The following CTTNBP2NL variants were observed in gnomAD, a reference collection of about 807,000 sequenced individuals.
CTTNBP2NL encodes the protein CTTNBP2 N-terminal-like protein.
In CTTNBP2NL, 16 loss-of-function variants were observed where a neutral mutation model predicts 32.5. The observed-to-expected ratio is 0.49, with a 90% CI of 0.33 to 0.75. CTTNBP2NL has a LOEUF of 0.75. Among genes scored for constraint, CTTNBP2NL ranks in the 30% least tolerant of loss-of-function variants. The pLI, the probability that CTTNBP2NL is intolerant of heterozygous loss-of-function variation, is 0.02. For synonymous variants in CTTNBP2NL, 298 were observed against 289.4 expected (o/e 1.03, Z -0.30); for missense variants, 645 against 756.0 (o/e 0.85, Z 1.72).
At chr1:112,411,642 C>G (rs1041546775) in intron 1 of CTTNBP2NL, among the ~76,000 whole-genome samples, 1 of 151,002 alleles carries the variant, frequency 6.6e-6, no homozygotes, top group African/African-American at 2.4e-5. Flanking sequence ...GAGAATTTTC[C>G]TTATATGAAT....
intron 1 of CTTNBP2NL, among the ~76,000 whole-genome samples, chr1:112,399,429 GTAACAC>G (rs1648430110): frequency 6.6e-6 from 1 of 151,352 alleles, no homozygotes; most frequent in South Asian, 2.1e-4. Context: ...TGTTTTTAAA[GTAACAC>G]TAAAAATAGG....
chr1:112,400,966 CAAAAAAAAA>C (rs56784970), intron 1 of CTTNBP2NL, among the ~76,000 whole-genome samples: 1,504 of 102,990 alleles, frequency 0.015, 49 homozygotes, highest in African/African-American at 0.055. Context: ...ACTCTGTCAC[CAAAAAAAAA>C]AAAAAAAAAA....
chr1:112,440,892 G>A (rs774333768), intron 3 of CTTNBP2NL, among the ~76,000 whole-genome samples: 8 of 147,944 alleles, frequency 5.4e-5, no homozygotes, highest in Middle Eastern at 6.8e-3. Flanking sequence ...ATAAACGCTC[G>A]AGTGTTAACG....
intron 1 of CTTNBP2NL, among the ~76,000 whole-genome samples, chr1:112,402,499 T>C (rs1274515054): frequency 6.6e-6 from 1 of 152,074 alleles, no homozygotes; most frequent in Non-Finnish European, 1.5e-5. Context: ...AGATAAGAAT[T>C]GTAAGTTATA....
At chr1:112,422,551 T>C (rs1020654160) in intron 3 of CTTNBP2NL, among the ~76,000 whole-genome samples, 1 of 152,208 alleles carries the variant, frequency 6.6e-6, no homozygotes, top group African/African-American at 2.4e-5. Context: ...TATTTAATTT[T>C]TAAGAATCTG....
In CTTNBP2NL at chr1:112,457,143, A is replaced by C; in HGVS notation, c.1651A>C (p.Thr551Pro). 1 of 1,614,086 alleles carries C rather than the reference A, an allele frequency of 6.2e-7. No homozygotes were observed. The highest frequency in any genetic ancestry group is 8.5e-7 in the Non-Finnish European group (1 of 1,180,012). ...NPRGDTSHSP[T>P]PGKVSSPLSP... Reference sequence around the variant, plus strand: ...AAGAGGTGACACAAGCCATTCACCTACTCCAGGGAAAGTGTCCAGTCCCCT... The same window carrying C: ...AAGAGGTGACACAAGCCATTCACCTCCTCCAGGGAAAGTGTCCAGTCCCCT... The change falls in exon 6 of 6, where the codon ACT (threonine) becomes CCT (proline). Residue 551 changes from threonine (T) to proline (P), a missense_variant. Thr to Pro is a conservative substitution (Grantham distance 38). Coordinates refer to ENST00000271277, the MANE Select transcript of CTTNBP2NL (RefSeq NM_018704.3).
In CTTNBP2NL at chr1:112,416,276, G is replaced by GA. The variant is rs370406156; in HGVS notation, c.99+23dup. On this transcript the variant is annotated intron_variant, in intron 3 of 5. Coordinates refer to ENST00000271277, the MANE Select transcript of CTTNBP2NL (RefSeq NM_018704.3). ...TAGAAGCCTTAAAGGTATGTTAAAA[G>GA]AAAAAAAAAAAGAGGTCATCATACA... The GA allele has an allele frequency of 0.054, 49,281 of 917,050 alleles. No individual in the cohort carries two copies. Among genetic ancestry groups the GA allele is most frequent in the South Asian group, 0.073 (3,387 of 46,498 alleles). 56.8% of individuals were successfully genotyped at this position (917,050 alleles called of 1,614,324 possible). A position where few individuals can be genotyped will look rare whatever the true frequency, so the allele number is the denominator to read the frequency against.
chr1:112,434,217 A>G (rs762569591), intron 3 of CTTNBP2NL, among the ~76,000 whole-genome samples: 7 of 152,084 alleles, frequency 4.6e-5, no homozygotes, highest in African/African-American at 7.2e-5. Context: ...CAGATTTGTT[A>G]TTCTCTTATA....
intron 3 of CTTNBP2NL, among the ~76,000 whole-genome samples, chr1:112,423,273 T>C (rs1001445925): frequency 1.3e-5 from 2 of 152,150 alleles, no homozygotes; most frequent in Non-Finnish European, 2.9e-5. Context: ...TTATCTTAAC[T>C]CTATTTTTTT....
intron 4 of CTTNBP2NL, among the ~76,000 whole-genome samples, chr1:112,450,402 A>G (rs2101031286): frequency 6.6e-6 from 1 of 152,340 alleles, no homozygotes; most frequent in Non-Finnish European, 1.5e-5. Context: ...AAAATGTTTA[A>G]CCTCTGGTTA....
intron 3 of CTTNBP2NL, among the ~76,000 whole-genome samples, chr1:112,425,132 AT>A (rs199927375): frequency 0.017 from 2,576 of 151,780 alleles, 88 homozygotes; most frequent in African/African-American, 0.06. Flanking sequence ...CCCAGCCAGT[AT>A]TGTTTGTTAA....
At chr1:112,393,893 T>C (rs977893247), upstream of CTTNBP2NL, among the ~76,000 whole-genome samples, 2 of 151,924 alleles carry the variant, frequency 1.3e-5, no homozygotes, top group African/African-American at 4.8e-5. Flanking sequence ...GGTTAACAGC[T>C]ACAAAGGGAA....
chr1:112,397,691 C>T (rs541107593), intron 1 of CTTNBP2NL, among the ~76,000 whole-genome samples: 5 of 152,124 alleles, frequency 3.3e-5, no homozygotes, highest in Non-Finnish European at 7.4e-5. Context: ...CAGTAATCAT[C>T]TATTGCTAGC....
intron 3 of CTTNBP2NL, among the ~76,000 whole-genome samples, chr1:112,416,924 A>G (rs1244787726): frequency 3.3e-5 from 5 of 152,110 alleles, no homozygotes; most frequent in Non-Finnish European, 5.9e-5. Flanking sequence ...TATCTGGGAG[A>G]TCAAGGATCC....
rs899056950 is a variant in CTTNBP2NL at position 112,459,937 on chromosome 1, C to A, written c.*2525C>A. 6.6e-6 allele frequency: 1 copy of A among 152,100 alleles called. No individual in the cohort carries two copies. The highest frequency in any genetic ancestry group is 2.1e-4 in the South Asian group (1 of 4,820). The allele number at this position is 152,100 out of a possible 1,614,324, so 9.4% of individuals were successfully genotyped here. On this transcript the variant is annotated 3_prime_UTR_variant, in exon 6 of 6. Coordinates refer to ENST00000271277, the MANE Select transcript of CTTNBP2NL (RefSeq NM_018704.3). ...AGAAATGTGTATTTTTGCTAGTTGCCTACCTTCTGAGATAAATAAGCACAA... is the reference window on the plus strand; with the variant it reads ...AGAAATGTGTATTTTTGCTAGTTGCATACCTTCTGAGATAAATAAGCACAA...
rs1332860767 is a variant in CTTNBP2NL, at chr1:112,460,719, G to A, written c.*3307G>A. ...GCTGCTGCAATGTTAGCAAATGCAAGCCAGAGAGAAGCACTTGAAAATCCT... is the reference window on the plus strand; with the variant it reads ...GCTGCTGCAATGTTAGCAAATGCAAACCAGAGAGAAGCACTTGAAAATCCT... On this transcript the variant is annotated 3_prime_UTR_variant, in exon 6 of 6. Coordinates refer to ENST00000271277, the MANE Select transcript of CTTNBP2NL (RefSeq NM_018704.3). The A allele has an allele frequency of 6.6e-6, 1 of 152,218 alleles. No individual in the cohort carries two copies. Among genetic ancestry groups the A allele is most frequent in the East Asian group, 1.9e-4 (1 of 5,204 alleles). The allele number at this position is 152,218 out of a possible 1,614,324, so 9.4% of individuals were successfully genotyped here. A position where few individuals can be genotyped will look rare whatever the true frequency, so the allele number is the denominator to read the frequency against.
intron 3 of CTTNBP2NL, among the ~76,000 whole-genome samples, chr1:112,447,664 T>C (rs997773694): frequency 1.3e-5 from 2 of 152,116 alleles, no homozygotes; most frequent in African/African-American, 4.8e-5. Context: ...AAAAAACCCA[T>C]GTTTGCTTTA....
chr1:112,404,591 T>G (rs1347910823), intron 1 of CTTNBP2NL, among the ~76,000 whole-genome samples: 2 of 152,344 alleles, frequency 1.3e-5, no homozygotes, highest in Non-Finnish European at 2.9e-5. Context: ...AATCTACATG[T>G]TATTGTTCCC....
chr1:112,448,871 A>G (rs760577378), intron 3 of CTTNBP2NL, 71 bp from the exon 4 acceptor site: 2 of 842,176 alleles, frequency 2.4e-6, no homozygotes, highest in Non-Finnish European at 4.0e-6. Flanking sequence ...ATGTATAACC[A>G]CTGGATAGCA....
Sources: allele counts gnomAD v4.1 joint callset (sites outside exome capture counted in the v4.1 genomes callset), GRCh38; gene constraint gnomAD v4.1.1; transcripts MANE v1.5; gene names NCBI Gene and HGNC (gene_info 2026-07-23, HGNC 2026-07-21).